Variants in SPTBN1 observed in about 807,000 individuals in gnomAD.
The protein encoded by SPTBN1 is spectrin beta, non-erythrocytic 1, also known as spectrin beta chain, non-erythrocytic 1.
SPTBN1 carries 32 observed loss-of-function variants against 266.4 expected under a neutral mutation model. That is an observed-to-expected ratio of 0.12 (90% CI 0.09 to 0.16). The LOEUF is 0.16. Ranked by LOEUF, SPTBN1 falls within the 10% of genes least tolerant of loss-of-function variation. The pLI, the probability that SPTBN1 is intolerant of heterozygous loss-of-function variation, is 1.00. For missense variants in SPTBN1, 2,296 were observed against 3,067.1 expected (o/e 0.75, Z 5.94); for synonymous variants, 1,336 against 1,162.2 (o/e 1.15, Z -3.04).
chr2:54,626,392 A>G lies in SPTBN1; in HGVS notation c.1644+158A>G, dbSNP rs4671964. ...CCACATCACCCATGGGAAGATTGCT[A>G]GCTCAGGAATTAAATGAGACGTGAA... On this transcript the variant is annotated intron_variant, in intron 12 of 35. Coordinates refer to ENST00000356805, the MANE Select transcript of SPTBN1 (RefSeq NM_003128.3). This position sits in a 1 kb window ranked among gnomAD's most constrained non-coding sequence, Gnocchi z 4.7. Among the ~76,000 whole-genome samples the G allele has an allele frequency of 0.28, 43,210 of 152,140 alleles. 7,582 individuals carry two copies. The highest frequency in any genetic ancestry group is 0.37 in the Admixed American group (5,586 of 15,270).
At position 54,646,747 on chromosome 2, in the gene SPTBN1, G is replaced by A. The variant is rs1290705577; in HGVS notation, c.4866+272G>A. ...AGTCCTTCCTGCTGTCTATTTATAG[G>A]TTCCCTAAACTTTACAAAATACAGG... On this transcript the variant is annotated intron_variant, in intron 23 of 35. Coordinates refer to ENST00000356805, the MANE Select transcript of SPTBN1 (RefSeq NM_003128.3). The surrounding 1 kb of genome is among the most constrained non-coding windows in gnomAD (Gnocchi z 4.4). 2.0e-5 allele frequency among the ~76,000 whole-genome samples: 3 copies of A among 152,148 alleles called. No individual in the cohort carries two copies. The highest frequency in any genetic ancestry group is 4.4e-5 in the Non-Finnish European group (3 of 68,030).
chr2:54,490,170 C>T (rs1455725178), intron 1 of SPTBN1, among the ~76,000 whole-genome samples: 3 of 151,408 alleles, frequency 2.0e-5, no homozygotes, highest in Non-Finnish European at 2.9e-5. Context: ...CTCCCAGGTT[C>T]AAGCGATTCT....
At position 54,517,339 on chromosome 2, in the gene SPTBN1, A is replaced by G. The variant is rs1233659360; in HGVS notation, c.-47-9033A>G. On this transcript the variant is annotated intron_variant, in intron 1 of 35. Coordinates refer to ENST00000356805, the MANE Select transcript of SPTBN1 (RefSeq NM_003128.3). Reference sequence around the variant, plus strand: ...TACTGTCAATCAAAATAGAGTTCATATGTTAATAGAGATACAACAATATTT... The same window carrying G: ...TACTGTCAATCAAAATAGAGTTCATGTGTTAATAGAGATACAACAATATTT... Among the ~76,000 whole-genome samples the G allele has an allele frequency of 1.3e-5, 2 of 151,008 alleles. 1 individual carries two copies. Among genetic ancestry groups the G allele is most frequent in the African/African-American group, 5.0e-5 (2 of 40,260 alleles).
intron 2 of SPTBN1, among the ~76,000 whole-genome samples, chr2:54,545,817 G>A (rs1447712785): frequency 6.6e-6 from 1 of 152,108 alleles, no homozygotes; most frequent in East Asian, 1.9e-4. Context: ...CTAAGATTGT[G>A]TATATGCTCT....
intron 1 of SPTBN1, among the ~76,000 whole-genome samples, chr2:54,492,166 C>T (rs189326639): frequency 6.6e-6 from 1 of 152,046 alleles, no homozygotes; most frequent in Non-Finnish European, 1.5e-5. Flanking sequence ...AATTCTGGTC[C>T]AGTTTACGGT....
At chr2:54,632,525 C>CT (rs1553347228) in intron 16 of SPTBN1, 41 bp from the exon 17 acceptor site, 63 of 1,592,834 alleles carry the variant, frequency 4.0e-5, no homozygotes, top group Non-Finnish European at 5.2e-5. Context: ...AAATGAGATC[C>CT]TTCATTGATC....
rs1280631320 is a variant in SPTBN1, at chr2:54,653,010, AT to A, written c.5578-594del. On this transcript the variant is annotated intron_variant, in intron 26 of 35. Transcript: ENST00000356805. This position sits in a 1 kb window ranked among gnomAD's most constrained non-coding sequence, Gnocchi z 5.1. ...TACCAAATCACAATTCTCAATGTAT[AT>A]TTTTAGTTTTGCAAGGTTTTTGTTG... 1 of 152,158 alleles carries A rather than the reference AT, an allele frequency of 6.6e-6. No individual in the cohort carries two copies. Among genetic ancestry groups the A allele is most frequent in the African/African-American group, 2.4e-5 (1 of 41,436 alleles). The allele number at this position is 152,158 out of a possible 1,614,324, so 9.4% of individuals were successfully genotyped here.
Position 54,649,871 on chromosome 2 carries a change from G to A in SPTBN1, c.5459G>A (p.Arg1820His), listed in dbSNP as rs1317405298. Reference protein sequence around the residue: ...FYHDAKEIFGRIQDKHKKLPE... With the variant: ...FYHDAKEIFGHIQDKHKKLPE... ...CACGATGCCAAGGAGATCTTTGGGC[G>A]TATACAGGACAAACACAAGAAACTC... is the stretch of plus-strand genomic sequence containing the variant. Residue 1820 changes from arginine to histidine, a missense_variant, in exon 26 of 36, where the codon CGT becomes CAT. By Grantham distance (29) the Arg-to-His change is conservative (BLOSUM62 0). This residue lies in a region of SPTBN1 where 644 missense variants were observed against 745.3 expected (regional missense o/e 0.86). Transcript: ENST00000356805. This position sits in a 1 kb window ranked among gnomAD's most constrained non-coding sequence, Gnocchi z 6.7. The A allele has an allele frequency of 3.1e-6, 5 of 1,614,048 alleles. No homozygotes were observed. The highest frequency in any genetic ancestry group is 4.2e-6 in the Non-Finnish European group (5 of 1,180,052).
intron 1 of SPTBN1, among the ~76,000 whole-genome samples, chr2:54,496,092 C>G (rs1668953716): frequency 6.6e-6 from 1 of 151,990 alleles, no homozygotes; most frequent in Non-Finnish European, 1.5e-5. Context: ...TATGGGAACT[C>G]TGTTGTTCCC....
intron 2 of SPTBN1, among the ~76,000 whole-genome samples, chr2:54,544,472 A>C (rs1266524669): frequency 6.6e-6 from 1 of 152,210 alleles, no homozygotes. Context: ...CTTTCCCAGA[A>C]GAGCCAGACC....
In SPTBN1 at chr2:54,518,578, A is replaced by C. The variant is rs562399901; in HGVS notation, c.-47-7794A>C. Among the ~76,000 whole-genome samples the C allele has an allele frequency of 1.4e-4, 22 of 152,138 alleles. 1 individual carries two copies. The highest frequency in any genetic ancestry group is 6.2e-4 in the South Asian group (3 of 4,818). ...GCAGTTTGGTGCCTTCAGAGTCCTT[A>C]GAAGGCCTTTTTAAAGATAGCATAC... On this transcript the variant is annotated intron_variant, in intron 1 of 35. Transcript: ENST00000356805.
intron 17 of SPTBN1, among the ~76,000 whole-genome samples, chr2:54,637,028 A>G (rs1679194828): frequency 6.6e-6 from 1 of 152,256 alleles, no homozygotes; most frequent in South Asian, 2.1e-4. Flanking sequence ...CCTTCACAGC[A>G]GATGGGGAAG....
chr2:54,525,663 A>G (rs1670761716), intron 1 of SPTBN1, among the ~76,000 whole-genome samples: 1 of 152,256 alleles, frequency 6.6e-6, no homozygotes, highest in Admixed American at 6.5e-5. Flanking sequence ...ATTTATGGTG[A>G]TACACAATGG....
chr2:54,577,256 T>G (rs1292003572), intron 2 of SPTBN1, among the ~76,000 whole-genome samples: 1 of 152,300 alleles, frequency 6.6e-6, no homozygotes, highest in Admixed American at 6.5e-5. Context: ...GATTGTCTGA[T>G]ACAGATTTGA....
At chr2:54,548,048 C>T (rs1672352690) in intron 2 of SPTBN1, among the ~76,000 whole-genome samples, 1 of 152,100 alleles carries the variant, frequency 6.6e-6, no homozygotes, top group Non-Finnish European at 1.5e-5. Context: ...GAGGCTGAGG[C>T]AGGAGAATGG....
At position 54,546,866 on chromosome 2, in the gene SPTBN1, T is replaced by C. The variant is rs541715865; in HGVS notation, c.148+20300T>C. Among the ~76,000 whole-genome samples, 64 of 151,582 alleles carry C rather than the reference T, an allele frequency of 4.2e-4. 1 individual carries two copies. Among genetic ancestry groups the C allele is most frequent in the South Asian group, 1.7e-3 (8 of 4,766 alleles). On this transcript the variant is annotated intron_variant, in intron 2 of 35. Transcript: ENST00000356805. ...TTCAGCATCATAGGTGGGGAACATG[T>C]GGCTTTATAGATCTGCTGTTTCTTC...
intron 2 of SPTBN1, among the ~76,000 whole-genome samples, chr2:54,598,101 A>G (rs1452643064): frequency 6.6e-6 from 1 of 152,168 alleles, no homozygotes; most frequent in East Asian, 1.9e-4. Flanking sequence ...CTGCAGAGGC[A>G]AGAAGTTTGA....
chr2:54,529,604 A>G (rs1315186118), intron 2 of SPTBN1: 1 of 720,460 alleles, frequency 1.4e-6, no homozygotes, highest in East Asian at 2.6e-5. Flanking sequence ...TGAGTTTGCC[A>G]TGAAGAAGAT....
chr2:54,612,611 G>T (rs1248131065), intron 4 of SPTBN1, among the ~76,000 whole-genome samples: 1 of 152,140 alleles, frequency 6.6e-6, no homozygotes, highest in African/African-American at 2.4e-5. Context: ...CTGCATCCCA[G>T]CCCGCCACTT....
Sources: gnomAD v4.1 joint callset for allele counts (sites outside exome capture counted in the v4.1 genomes callset) on GRCh38, gnomAD v4.1.1 for gene constraint, gnomAD v4.1.1 regional missense constraint, Gnocchi (gnomAD v3.1) non-coding constraint, MANE v1.5 for transcripts, NCBI Gene and HGNC (gene_info 2026-07-23, HGNC 2026-07-21) for gene names.